The following GALNT15 variants were observed in gnomAD, a reference collection of about 807,000 sequenced individuals.
GALNT15 encodes the protein UDP-GalNAc transferase T15.
GALNT15 carries 67 observed loss-of-function variants against 66.8 expected under a neutral mutation model. The ratio of observed to expected loss-of-function variants is 1.00; its 90% CI spans 0.82 to 1.23. GALNT15 has a LOEUF of 1.23. GALNT15 is among the 50% of genes most tolerant of loss of function. GALNT15 has a pLI of 0.00. For synonymous variants in GALNT15, 313 were observed against 311.5 expected (o/e 1.00, Z -0.05); for missense variants, 827 against 804.3 (o/e 1.03, Z -0.34).
intron 9 of GALNT15, among the ~76,000 whole-genome samples, chr3:16,223,909 G>T (rs1346969232): frequency 6.6e-6 from 1 of 152,056 alleles, no homozygotes; most frequent in African/African-American, 2.4e-5. Flanking sequence ...GGCCAAGTTG[G>T]TCTCAAACTC....
rs753527639 is a variant in GALNT15 at position 16,208,454 on chromosome 3, A to T, written c.912-49A>T. 3 of 1,594,562 alleles carry T rather than the reference A, an allele frequency of 1.9e-6. No homozygotes were observed. In the African/African-American group the frequency reaches 4.0e-5, roughly 21 times the overall value. On this transcript the variant is annotated intron_variant, in intron 3 of 9. Transcript: ENST00000339732. ...CCATGTACAGACTGTTTCCAGCCCC[A>T]GCAAGTAAATGCTTTACGTCCCTTG...
downstream of GALNT15, among the ~76,000 whole-genome samples, chr3:16,231,101 C>T (rs1312122987): frequency 7.5e-6 from 1 of 133,720 alleles, no homozygotes; most frequent in Admixed American, 9.2e-5. The surrounding 1 kb of genome is among the most constrained non-coding windows in gnomAD (Gnocchi z 4.1). Context: ...AATGAGAACA[C>T]ATGGACATAG....
downstream of GALNT15, among the ~76,000 whole-genome samples, chr3:16,236,583 C>T (rs779009520): frequency 1.3e-5 from 2 of 151,932 alleles, no homozygotes; most frequent in Admixed American, 6.6e-5. Flanking sequence ...ATATTACCAG[C>T]GAAATAGTGA....
the GALNT15 span, among the ~76,000 whole-genome samples, chr3:16,247,937 C>G: frequency 6.6e-6 from 1 of 152,200 alleles, no homozygotes; most frequent in Admixed American, 6.5e-5. Context: ...ATGTGGCACT[C>G]CAGGCTTCCA....
chr3:16,197,153 A>G (rs1047235030), intron 2 of GALNT15, among the ~76,000 whole-genome samples: 1 of 152,212 alleles, frequency 6.6e-6, no homozygotes, highest in African/African-American at 2.4e-5. Context: ...ACCTGTGGTG[A>G]GGCCCCCACC....
chr3:16,205,349 T>C (rs2063746006), intron 3 of GALNT15, among the ~76,000 whole-genome samples: 2 of 152,240 alleles, frequency 1.3e-5, no homozygotes, highest in Non-Finnish European at 1.5e-5. Context: ...TAAAAGGTTA[T>C]GGGAAGCTTG....
At chr3:16,239,176 A>C in the GALNT15 span, among the ~76,000 whole-genome samples, 90,287 of 151,940 alleles carry the variant, frequency 0.59, 27,115 homozygotes, top group East Asian at 0.7. This position sits in a 1 kb window ranked among gnomAD's most constrained non-coding sequence, Gnocchi z 5.2. Flanking sequence ...TCTTTCCCAG[A>C]AGCCCCCCAG....
downstream of GALNT15, among the ~76,000 whole-genome samples, chr3:16,230,777 AC>A (rs1200729801): frequency 6.6e-6 from 1 of 152,206 alleles, no homozygotes; most frequent in African/African-American, 2.4e-5. The surrounding 1 kb of genome is among the most constrained non-coding windows in gnomAD (Gnocchi z 4.5). Context: ...CAAAGCACCT[AC>A]AAGTCCTGCC....
rs1208863705 is a variant in GALNT15, at chr3:16,204,398, C to T, written c.911+3575C>T. ...CAGTAATGATAATATTAGAGATGTTCTCTTGGGTTGCACAGTGCGCAACTC... is the reference window on the plus strand; with the variant it reads ...CAGTAATGATAATATTAGAGATGTTTTCTTGGGTTGCACAGTGCGCAACTC... On this transcript the variant is annotated intron_variant, in intron 3 of 9. Transcript: ENST00000339732. This position sits in a 1 kb window ranked among gnomAD's most constrained non-coding sequence, Gnocchi z 4.5. 6.6e-6 allele frequency among the ~76,000 whole-genome samples: 1 copy of T among 152,134 alleles called. No individual in the cohort carries two copies. The highest frequency in any genetic ancestry group is 2.4e-5 in the African/African-American group (1 of 41,436).
intron 1 of GALNT15, among the ~76,000 whole-genome samples, chr3:16,177,045 G>A (rs1383231338): frequency 1.3e-5 from 2 of 152,114 alleles, no homozygotes; most frequent in Non-Finnish European, 2.9e-5. Flanking sequence ...TTGCACCCTG[G>A]AGTTTTAACT....
rs1559695367 is a variant in GALNT15, at chr3:16,225,702, A to G, written c.1774-1652A>G. 6.6e-6 allele frequency among the ~76,000 whole-genome samples: 1 copy of G among 151,894 alleles called. No individual in the cohort carries two copies. Among genetic ancestry groups the G allele is most frequent in the Non-Finnish European group, 1.5e-5 (1 of 67,970 alleles). ...AGAGAGAGACTGTCTCAAAATAAAT[A>G]AATAAATAAAAGAAAAAGAAAAAAA... On this transcript the variant is annotated intron_variant, in intron 9 of 9. Coordinates refer to ENST00000339732, the MANE Select transcript of GALNT15 (RefSeq NM_054110.5). The surrounding 1 kb of genome is among the most constrained non-coding windows in gnomAD (Gnocchi z 4.4).
Position 16,208,653 on chromosome 3 carries a change from C to A in GALNT15, c.1062C>A (p.Ser354=). Residue 354 remains serine (S), a synonymous_variant, in exon 4 of 10, where the codon TCC becomes TCA. Transcript: ENST00000339732. ...LPEHVRKALQ[S]PISPIRSPVV... ...AGCATGTGAGGAAGGCCCTCCAGTC[C>A]CCCATAAGCCCCATCAGGTGAGTCC... is the stretch of plus-strand genomic sequence containing the variant. 6.2e-7 allele frequency: 1 copy of A among 1,613,860 alleles called. No individual in the cohort carries two copies. Among genetic ancestry groups the A allele is most frequent in the Non-Finnish European group, 8.5e-7 (1 of 1,179,930 alleles).
intron 9 of GALNT15, 49 bp downstream of exon 9, chr3:16,222,807 A>G: frequency 6.2e-7 from 1 of 1,602,408 alleles, no homozygotes. Context: ...GGTCAGAAGG[A>G]ACTGCTGGTT....
At chr3:16,230,586 A>T (rs2064072328), downstream of GALNT15, among the ~76,000 whole-genome samples, 1 of 147,038 alleles carries the variant, frequency 6.8e-6, no homozygotes, top group African/African-American at 2.5e-5. This position sits in a 1 kb window ranked among gnomAD's most constrained non-coding sequence, Gnocchi z 4.5. Flanking sequence ...ATTCAAAAAA[A>T]AAGAAAAGAA....
Position 16,227,883 on chromosome 3 carries a change from G to T in GALNT15, c.*383G>T. ...TGGATCAATTTATTTGTCTTCAAATGGCCTTAACTTGGATTGTCTGTTTGG... is the reference window on the plus strand; with the variant it reads ...TGGATCAATTTATTTGTCTTCAAATTGCCTTAACTTGGATTGTCTGTTTGG... On this transcript the variant is annotated 3_prime_UTR_variant, in exon 10 of 10. Coordinates refer to ENST00000339732, the MANE Select transcript of GALNT15 (RefSeq NM_054110.5). The surrounding 1 kb of genome is among the most constrained non-coding windows in gnomAD (Gnocchi z 4.5). The T allele has an allele frequency of 9.8e-7, 1 of 1,015,484 alleles. No homozygotes were observed. The highest frequency in any genetic ancestry group is 1.2e-6 in the Non-Finnish European group (1 of 849,828). 62.9% of individuals were successfully genotyped at this position (1,015,484 alleles called of 1,614,324 possible). A position where few individuals can be genotyped will look rare whatever the true frequency, so the allele number is the denominator to read the frequency against.
In GALNT15 at chr3:16,195,020, A is replaced by C. The variant is rs1347493139; in HGVS notation, c.540-740A>C. 6.6e-6 allele frequency among the ~76,000 whole-genome samples: 1 copy of C among 152,206 alleles called. No homozygotes were observed. Among genetic ancestry groups the C allele is most frequent in the Non-Finnish European group, 1.5e-5 (1 of 68,046 alleles). On this transcript the variant is annotated intron_variant, in intron 1 of 9. Coordinates refer to ENST00000339732, the MANE Select transcript of GALNT15 (RefSeq NM_054110.5). The surrounding 1 kb of genome is among the most constrained non-coding windows in gnomAD (Gnocchi z 4.6). ...AAAAAATAGTAAGTGCTAACATTTA[A>C]AAATTGTGTGCCAGGTGCTATGCTA...
In GALNT15 at chr3:16,189,343, C is replaced by T. The variant is rs1403130421; in HGVS notation, c.540-6417C>T. ...GCATGGTGATCTCTGAGCATGGCACCCACTGGTGTTGGGCAATGCACCAGC... is the reference window on the plus strand; with the variant it reads ...GCATGGTGATCTCTGAGCATGGCACTCACTGGTGTTGGGCAATGCACCAGC... On this transcript the variant is annotated intron_variant, in intron 1 of 9. Coordinates refer to ENST00000339732, the MANE Select transcript of GALNT15 (RefSeq NM_054110.5). This position sits in a 1 kb window ranked among gnomAD's most constrained non-coding sequence, Gnocchi z 5.1. Among the ~76,000 whole-genome samples, 1 of 152,174 alleles carries T rather than the reference C, an allele frequency of 6.6e-6. No individual in the cohort carries two copies. The highest frequency in any genetic ancestry group is 2.4e-5 in the African/African-American group (1 of 41,422).
At position 16,184,570 on chromosome 3, in the gene GALNT15, T is replaced by A. The variant is rs1354202869; in HGVS notation, c.539+8880T>A. Among the ~76,000 whole-genome samples the A allele has an allele frequency of 6.6e-6, 1 of 152,200 alleles. No homozygotes were observed. The highest frequency in any genetic ancestry group is 1.5e-5 in the Non-Finnish European group (1 of 68,036). On this transcript the variant is annotated intron_variant, in intron 1 of 9. Transcript: ENST00000339732. The surrounding 1 kb of genome is among the most constrained non-coding windows in gnomAD (Gnocchi z 5.0). ...ATTTCACGTCCCTACATCCAGAACG[T>A]CTCACTACAGCTGCTGAATAATGAT... is the stretch of plus-strand genomic sequence containing the variant.
At position 16,224,843 on chromosome 3, in the gene GALNT15, G is replaced by A. The variant is rs567840063; in HGVS notation, c.1773+2085G>A. On this transcript the variant is annotated intron_variant, in intron 9 of 9. Coordinates refer to ENST00000339732, the MANE Select transcript of GALNT15 (RefSeq NM_054110.5). This position sits in a 1 kb window ranked among gnomAD's most constrained non-coding sequence, Gnocchi z 5.2. Reference sequence around the variant, plus strand: ...TAGAGACGGGGTTTCCTCCATGTTGGCCAGGCTGGTCTCGAACTCCTGACA... The same window carrying A: ...TAGAGACGGGGTTTCCTCCATGTTGACCAGGCTGGTCTCGAACTCCTGACA... Among the ~76,000 whole-genome samples the A allele has an allele frequency of 6.6e-6, 1 of 151,944 alleles. No homozygotes were observed. The highest frequency in any genetic ancestry group is 1.5e-5 in the Non-Finnish European group (1 of 67,990).
Sources: allele counts gnomAD v4.1 joint callset (sites outside exome capture counted in the v4.1 genomes callset), GRCh38; gene constraint gnomAD v4.1.1; non-coding constraint Gnocchi (gnomAD v3.1); transcripts MANE v1.5; gene names NCBI Gene and HGNC (gene_info 2026-07-23, HGNC 2026-07-21).